The following XIST variants were observed in gnomAD, a reference collection of about 807,000 sequenced individuals.
XIST encodes the protein X inactive specific transcript (non-protein coding).
intron 1 of XIST, among the ~76,000 whole-genome samples, chrX:73,838,549 G>C (rs373908739): frequency 9.0e-6 from 1 of 110,968 alleles, no homozygotes; most frequent in East Asian, 2.8e-4. Flanking sequence ...TAAAGGAGAG[G>C]CTTCTTTACC....
chrX:73,852,549 G>A (rs776230379), exon 1 of XIST: 9 of 514,453 alleles, frequency 1.7e-5, no homozygotes, highest in Non-Finnish European at 2.4e-5. Flanking sequence ...GAAGACACTA[G>A]GAGAAAGTAT....
At chrX:73,847,211 A>C (rs1569512621) in exon 1 of XIST, 1 of 558,773 alleles carries the variant, frequency 1.8e-6, no homozygotes, top group Admixed American at 2.2e-5. Flanking sequence ...GAGTGAATTC[A>C]GGCTAGTTAG....
chrX:73,852,244 G>T (rs1026127481), exon 1 of XIST: 4 of 545,205 alleles, frequency 7.3e-6, no homozygotes, highest in Non-Finnish European at 1.3e-5. Flanking sequence ...CCGATACCCC[G>T]ATGGGCTAAG....
chrX:73,823,441 T>G (rs768624834), exon 6 of XIST: 1 of 514,767 alleles, frequency 1.9e-6, no homozygotes, highest in Admixed American at 2.6e-5. Context: ...ACCAAAGATG[T>G]TCTTCTATCT....
exon 6 of XIST, chrX:73,826,183 T>C: frequency 1.8e-6 from 1 of 559,376 alleles, no homozygotes; most frequent in Non-Finnish European, 3.2e-6. Context: ...GTGTATTTCT[T>C]GTCTAATTCT....
exon 6 of XIST, chrX:73,824,274 T>C (rs1212206691): frequency 3.9e-6 from 2 of 515,430 alleles, no homozygotes; most frequent in South Asian, 4.9e-5. Context: ...TGCGTATGCG[T>C]ATTCAAAAGA....
At chrX:73,827,418 C>A in exon 6 of XIST, 1 of 551,912 alleles carries the variant, frequency 1.8e-6, no homozygotes, top group Non-Finnish European at 3.3e-6. Context: ...AGGGAAGAAG[C>A]AGAGAACAAA....
At chrX:73,843,965 G>A (rs373938472) in exon 1 of XIST, 19 of 556,718 alleles carry the variant, frequency 3.4e-5, no homozygotes, top group Non-Finnish European at 5.5e-5. Flanking sequence ...AGGGGCCTTG[G>A]AGGGAAACAG....
chrX:73,831,216 G>A (rs1454476092), exon 4 of XIST: 12 of 553,147 alleles, frequency 2.2e-5, no homozygotes, highest in South Asian at 1.4e-4. Context: ...CCTAGGGATC[G>A]TCAAAGGGAA....
chrX:73,847,906 G>A (rs780931108), exon 1 of XIST: 4 of 557,317 alleles, frequency 7.2e-6, no homozygotes, highest in African/African-American at 4.5e-5. Flanking sequence ...ATCCCTTGCT[G>A]TAAAACAAGG....
At position 73,823,305 on chromosome X, in the gene XIST, CTT is replaced by C; in HGVS notation, n.16594_16595del. On this transcript the variant is annotated non_coding_transcript_exon_variant, in exon 6 of 6. Transcript: ENST00000429829. Reference sequence around the variant, plus strand: ...TATTTTGAAAGAAACTTGCATTTTTCTTTCTTTTTTTTTTTTTTTTTAATCTC... The same window carrying C: ...TATTTTGAAAGAAACTTGCATTTTTCTCTTTTTTTTTTTTTTTTTAATCTC... 1.1e-5 allele frequency: 5 copies of C among 435,547 alleles called. No homozygotes were observed. The South Asian group carries it at 1.8e-4, about 15-fold the overall frequency. 35.9% of individuals were successfully genotyped at this position (435,547 alleles called of 1,213,427 possible).
chrX:73,848,054 C>T (rs376144308), exon 1 of XIST: 18 of 557,386 alleles, frequency 3.2e-5, no homozygotes, highest in Non-Finnish European at 4.9e-5. Context: ...CTTTAGTGCA[C>T]AGGAAGAGGG....
In XIST at chrX:73,849,811, C is replaced by A. The variant is rs747371803; in HGVS notation, n.2913G>T. ...AGAGTGACTTTCGAGAGAAGCTGGGCGGGACTGAGGAACTAGGACTGGGAC... is the reference window on the plus strand; with the variant it reads ...AGAGTGACTTTCGAGAGAAGCTGGGAGGGACTGAGGAACTAGGACTGGGAC... On this transcript the variant is annotated non_coding_transcript_exon_variant, in exon 1 of 6. Coordinates refer to ENST00000429829, the Ensembl canonical transcript of XIST. 1.5e-3 allele frequency: 475 copies of A among 326,982 alleles called. 1 individual carries two copies. The highest frequency in any genetic ancestry group is 1.3e-3 in the Non-Finnish European group (221 of 176,015). The allele number at this position is 326,982 out of a possible 1,213,427, so 26.9% of individuals were successfully genotyped here.
At chrX:73,851,570 G>A (rs1922942651) in exon 1 of XIST, 1 of 557,328 alleles carries the variant, frequency 1.8e-6, no homozygotes, top group African/African-American at 2.2e-5. Context: ...TTTAAGCCCT[G>A]CACCTTAGTC....
chrX:73,833,456 A>C, intron 2 of XIST: 1 of 481,195 alleles, frequency 2.1e-6, no homozygotes, highest in East Asian at 3.4e-5. Context: ...CAATGAAAAA[A>C]ACCTAGGAAG....
At position 73,845,942 on chromosome X, in the gene XIST, G is replaced by T. The variant is rs746349020; in HGVS notation, n.6782C>A. The T allele has an allele frequency of 1.3e-5, 7 of 554,210 alleles. No homozygotes were observed. The South Asian group carries it at 1.6e-4, about 12-fold the overall frequency. The allele number at this position is 554,210 out of a possible 1,213,427, so 45.7% of individuals were successfully genotyped here. A position where few individuals can be genotyped will look rare whatever the true frequency, so the allele number is the denominator to read the frequency against. On this transcript the variant is annotated non_coding_transcript_exon_variant, in exon 1 of 6. Coordinates refer to ENST00000429829, the Ensembl canonical transcript of XIST. Reference sequence around the variant, plus strand: ...AGCACCCCTGCTGTACTGCAAAAGGGGTCTGAGAGTAGGACCTTATTCAGA... The same window carrying T: ...AGCACCCCTGCTGTACTGCAAAAGGTGTCTGAGAGTAGGACCTTATTCAGA...
At chrX:73,827,394 A>G (rs1342400227) in exon 6 of XIST, 1 of 555,100 alleles carries the variant, frequency 1.8e-6, no homozygotes, top group Non-Finnish European at 3.2e-6. Flanking sequence ...TGAAATACTC[A>G]AAGGTGAGTA....
At chrX:73,851,455 T>C (rs1273860698) in exon 1 of XIST, 2 of 557,349 alleles carry the variant, frequency 3.6e-6, no homozygotes, top group Non-Finnish European at 6.5e-6. Flanking sequence ...TGATGTGGCC[T>C]TCCCGCCACT....
chrX:73,843,673 A>G lies in XIST; in HGVS notation n.9051T>C, dbSNP rs781374972. 7.4e-5 allele frequency: 41 copies of G among 557,098 alleles called. No homozygotes were observed. The Admixed American group carries it at 9.1e-4, about 12-fold the overall frequency. 45.9% of individuals were successfully genotyped at this position (557,098 alleles called of 1,213,427 possible). On this transcript the variant is annotated non_coding_transcript_exon_variant, in exon 1 of 6. Transcript: ENST00000429829. ...CCCTGCTCTAAAGCAAAGGTGGTAC[A>G]GGAACATGCTTAGAGAATTGAGTTT...
Sources: allele counts gnomAD v4.1 joint callset (sites outside exome capture counted in the v4.1 genomes callset), GRCh38; gene constraint gnomAD v4.1.1; transcripts MANE v1.5; gene names NCBI Gene and HGNC (gene_info 2026-07-23, HGNC 2026-07-21).